Variants in HECW1 observed in about 807,000 individuals in gnomAD.
The protein encoded by HECW1 is HECT, C2 and WW domain containing E3 ubiquitin protein ligase 1, also known as E3 ubiquitin-protein ligase HECW1.
HECW1 carries 61 observed loss-of-function variants against 182.3 expected under a neutral mutation model. That is an observed-to-expected ratio of 0.33 (90% CI 0.27 to 0.41). HECW1 has a LOEUF of 0.41. Among genes scored for constraint, HECW1 ranks in the 10% least tolerant of loss-of-function variants. The pLI, the probability that HECW1 is intolerant of heterozygous loss-of-function variation, is 1.00. For missense variants in HECW1, 1,739 were observed against 2,108.9 expected (o/e 0.82, Z 3.44); for synonymous variants, 859 against 832.6 (o/e 1.03, Z -0.55).
At chr7:43,376,830 C>A (rs1271729228) in intron 6 of HECW1, among the ~76,000 whole-genome samples, 1 of 151,824 alleles carries the variant, frequency 6.6e-6, no homozygotes, top group Non-Finnish European at 1.5e-5. Context: ...CGTGCCATTG[C>A]ACTCCAGCCT....
chr7:43,369,214 T>G (rs1286919528), intron 6 of HECW1, among the ~76,000 whole-genome samples: 1 of 152,170 alleles, frequency 6.6e-6, no homozygotes, highest in Non-Finnish European at 1.5e-5. Context: ...ATCCTAGCAC[T>G]TTGGGAGGCC....
intron 2 of HECW1, among the ~76,000 whole-genome samples, chr7:43,200,906 G>A (rs1391666242): frequency 3.3e-5 from 5 of 152,154 alleles, no homozygotes; most frequent in East Asian, 3.9e-4. Flanking sequence ...TTACCAAAGC[G>A]GCTCGATGGA....
chr7:43,343,813 A>G (rs1813329786), intron 5 of HECW1, among the ~76,000 whole-genome samples: 1 of 151,864 alleles, frequency 6.6e-6, no homozygotes, highest in Non-Finnish European at 1.5e-5. Context: ...TTCTAGTTCT[A>G]GATCCTTGAG....
chr7:43,240,384 G>T (rs1189317235), intron 2 of HECW1, among the ~76,000 whole-genome samples: 1 of 152,128 alleles, frequency 6.6e-6, no homozygotes, highest in Admixed American at 6.6e-5. Context: ...TATATTGCTA[G>T]CTTTTATGTA....
Position 43,360,879 on chromosome 7 carries a change from C to T in HECW1, c.461-7C>T. On this transcript the variant is annotated splice_region_variant and splice_polypyrimidine_tract_variant and intron_variant, in intron 5 of 29. Coordinates refer to ENST00000395891, the MANE Select transcript of HECW1 (RefSeq NM_015052.5). Reference sequence around the variant, plus strand: ...CTTCTCAGTCTCATTTTTTGTTTGTCTTTCAGCTGAAACTAAGATCTGCTT... The same window carrying T: ...CTTCTCAGTCTCATTTTTTGTTTGTTTTTCAGCTGAAACTAAGATCTGCTT... 1.2e-6 allele frequency: 2 copies of T among 1,611,934 alleles called. No homozygotes were observed. Among genetic ancestry groups the T allele is most frequent in the Non-Finnish European group, 1.7e-6 (2 of 1,178,082 alleles).
intron 2 of HECW1, among the ~76,000 whole-genome samples, chr7:43,235,654 G>A (rs2152712646): frequency 6.6e-6 from 1 of 152,270 alleles, no homozygotes; most frequent in Admixed American, 6.5e-5. Context: ...CTTTCCCATA[G>A]TCATTTGTTA....
intron 6 of HECW1, among the ~76,000 whole-genome samples, chr7:43,367,048 A>G (rs1370453295): frequency 6.6e-6 from 1 of 151,944 alleles, no homozygotes; most frequent in Non-Finnish European, 1.5e-5. Flanking sequence ...ATTTTCCTCA[A>G]CTCGTAAGAA....
intron 2 of HECW1, among the ~76,000 whole-genome samples, chr7:43,146,899 AGT>A: frequency 6.6e-6 from 1 of 152,318 alleles, no homozygotes; most frequent in African/African-American, 2.4e-5. Flanking sequence ...GGAGGACTTG[AGT>A]AGGTGGTGAA....
At chr7:43,173,062 T>G (rs997325437) in intron 2 of HECW1, among the ~76,000 whole-genome samples, 3 of 152,202 alleles carry the variant, frequency 2.0e-5, no homozygotes, top group African/African-American at 7.2e-5. Flanking sequence ...TCCTTAAAGC[T>G]AAAGTTCCTC....
intron 3 of HECW1, chr7:43,274,658 AGAGAGC>A: frequency 6.3e-6 from 2 of 319,308 alleles, no homozygotes; most frequent in South Asian, 2.7e-5. Context: ...AGAGAGAGAG[AGAGAGC>A]GAGAGAGAGC....
Position 43,142,455 on chromosome 7 carries a change from T to G in HECW1, c.-32+28064T>G, listed in dbSNP as rs113261701. ...GGAGACCAAGCTGGGGGAAGTTACC[T>G]CCTCCCTTCCGAGGGTCGAGGGTGG... On this transcript the variant is annotated intron_variant, in intron 2 of 29. Transcript: ENST00000395891. Among the ~76,000 whole-genome samples, 730 of 152,164 alleles carry G rather than the reference T, an allele frequency of 4.8e-3. 3 individuals are homozygous for G. Among genetic ancestry groups the G allele is most frequent in the African/African-American group, 0.017 (687 of 41,512 alleles).
At chr7:43,218,610 C>T (rs1416449898) in intron 2 of HECW1, among the ~76,000 whole-genome samples, 1 of 152,114 alleles carries the variant, frequency 6.6e-6, no homozygotes, top group Non-Finnish European at 1.5e-5. Context: ...TGGCTTTGGG[C>T]AACATTTATA....
At chr7:43,541,807 T>C (rs1414756834) in intron 25 of HECW1, 62 bp from the exon 26 acceptor site, 2 of 1,345,378 alleles carry the variant, frequency 1.5e-6, no homozygotes, top group East Asian at 5.4e-5. Flanking sequence ...TAACCACATT[T>C]TGAAGTGAGG....
chr7:43,234,486 T>A (rs866121679), intron 2 of HECW1, among the ~76,000 whole-genome samples: 1 of 151,586 alleles, frequency 6.6e-6, no homozygotes, highest in South Asian at 2.1e-4. Context: ...CACTGGCCTC[T>A]GCAGATGCTC....
intron 23 of HECW1, 141 bp downstream of exon 23, chr7:43,508,272 G>A (rs1030488242): frequency 2.8e-5 from 16 of 580,974 alleles, no homozygotes; most frequent in Non-Finnish European, 4.6e-5. Flanking sequence ...CTCCCAGGAG[G>A]TCCTTCTTTT....
At chr7:43,325,956 T>A (rs73092854) in intron 5 of HECW1, among the ~76,000 whole-genome samples, 5,851 of 152,246 alleles carry the variant, frequency 0.038, 337 homozygotes, top group African/African-American at 0.13. Context: ...CTCAGTCCGT[T>A]GAGGCTGTTA....
At chr7:43,536,949 C>T (rs922518072) in intron 24 of HECW1, among the ~76,000 whole-genome samples, 1 of 152,200 alleles carries the variant, frequency 6.6e-6, no homozygotes, top group African/African-American at 2.4e-5. Flanking sequence ...GGGCAGGCAG[C>T]GGCGGCACCA....
At chr7:43,305,131 GT>G (rs1263896326) in intron 3 of HECW1, among the ~76,000 whole-genome samples, 3 of 152,178 alleles carry the variant, frequency 2.0e-5, no homozygotes, top group African/African-American at 7.2e-5. Flanking sequence ...CAGTCGCTCA[GT>G]CCCTAATGAA....
intron 2 of HECW1, among the ~76,000 whole-genome samples, chr7:43,236,949 G>C (rs1054899333): frequency 1.1e-4 from 16 of 152,006 alleles, no homozygotes; most frequent in Admixed American, 2.0e-4. Flanking sequence ...GTGATTTGGG[G>C]GTCCCGAGAT....
Sources: allele counts gnomAD v4.1 joint callset (sites outside exome capture counted in the v4.1 genomes callset), GRCh38; gene constraint gnomAD v4.1.1; transcripts MANE v1.5; gene names NCBI Gene and HGNC (gene_info 2026-07-23, HGNC 2026-07-21).